HADH: variants seen among roughly 807,000 people sequenced by gnomAD.
HADH encodes hydroxyacyl-coenzyme A dehydrogenase, mitochondrial.
HADH carries 24 observed loss-of-function variants against 32.2 expected under a neutral mutation model. The observed-to-expected ratio is 0.75, with a 90% CI of 0.54 to 1.05. The LOEUF is 1.05. HADH is among the 50% of genes least tolerant of loss of function. HADH has a pLI of 0.00. For missense variants in HADH, 350 were observed against 397.1 expected, an observed-to-expected ratio of 0.88 and a Z score of 1.01; for synonymous variants, 139 against 152.5, an observed-to-expected ratio of 0.91 and a Z score of 0.65.
chr4:107,999,097 C>A (rs192778754), intron 1 of HADH, among the ~76,000 whole-genome samples: 21 of 152,174 alleles, frequency 1.4e-4, no homozygotes, highest in Non-Finnish European at 2.8e-4. Flanking sequence ...AGAGAAGAAA[C>A]CTGTGTTGGA....
intron 1 of HADH, among the ~76,000 whole-genome samples, chr4:107,991,166 TA>T (rs373541925): frequency 2.0e-5 from 3 of 147,948 alleles, no homozygotes; most frequent in Non-Finnish European, 3.0e-5. Flanking sequence ...TTTTTTTTTT[TA>T]AAAATTATTC....
At chr4:107,997,206 G>T (rs2126219251) in intron 1 of HADH, among the ~76,000 whole-genome samples, 1 of 152,304 alleles carries the variant, frequency 6.6e-6, no homozygotes, top group South Asian at 2.1e-4. Flanking sequence ...CTTATTCTGG[G>T]GATCTGAAGA....
intron 6 of HADH, chr4:108,031,452 G>A (rs1271501305): frequency 4.6e-5 from 7 of 152,184 alleles, no homozygotes; most frequent in Admixed American, 1.3e-4. Context: ...CAGAAGCTGC[G>A]GGGCTTCCTA....
intron 1 of HADH, among the ~76,000 whole-genome samples, chr4:107,997,309 C>T (rs1424979037): frequency 6.6e-6 from 1 of 152,138 alleles, no homozygotes; most frequent in African/African-American, 2.4e-5. Context: ...AATGTCTAGG[C>T]ACATGGGACA....
At chr4:108,010,108 G>A (rs1437031951) in intron 2 of HADH, among the ~76,000 whole-genome samples, 1 of 150,796 alleles carries the variant, frequency 6.6e-6, no homozygotes, top group Non-Finnish European at 1.5e-5. Context: ...TAACCATTTT[G>A]TTGGGTGGGA....
intron 6 of HADH, chr4:108,032,261 G>T: frequency 2.0e-6 from 2 of 1,024,724 alleles, no homozygotes; most frequent in South Asian, 1.5e-5. Context: ...GGCCTCTTGG[G>T]GCCAAAGGAC....
At chr4:107,998,420 C>T (rs967685143) in intron 1 of HADH, among the ~76,000 whole-genome samples, 2 of 152,180 alleles carry the variant, frequency 1.3e-5, no homozygotes, top group Non-Finnish European at 2.9e-5. Flanking sequence ...GCTGGCATTG[C>T]AGGCGTGCAC....
chr4:108,020,223 AC>A (rs796387113), intron 4 of HADH, among the ~76,000 whole-genome samples: 10 of 152,240 alleles, frequency 6.6e-5, no homozygotes, highest in African/African-American at 2.2e-4. Flanking sequence ...TAATCCTAGA[AC>A]TTTTGGAGGT....
intron 7 of HADH, 85 bp from the exon 8 acceptor site, chr4:108,034,154 G>A: frequency 1.1e-6 from 1 of 923,132 alleles, no homozygotes; most frequent in Non-Finnish European, 1.8e-6. Flanking sequence ...ATCAGAGGCA[G>A]GCCTCCAGAC....
intron 1 of HADH, among the ~76,000 whole-genome samples, chr4:107,992,689 G>A (rs886358887): frequency 1.3e-5 from 2 of 152,314 alleles, no homozygotes; most frequent in Middle Eastern, 3.4e-3. Context: ...TACTGGCCTC[G>A]TAGGGAGAGA....
At chr4:108,005,237 A>C in intron 1 of HADH, 1 of 202,244 alleles carries the variant, frequency 4.9e-6, no homozygotes, top group Admixed American at 5.3e-5. Context: ...GAATTAATAC[A>C]AGTGTATTCT....
intron 6 of HADH, chr4:108,032,556 A>G (rs1360221204): frequency 6.0e-6 from 3 of 496,500 alleles, no homozygotes; most frequent in Non-Finnish European, 1.1e-5. Context: ...GCATTAAATT[A>G]TACTTTAATA....
chr4:108,008,244 G>C (rs1429242239), intron 1 of HADH, among the ~76,000 whole-genome samples: 1 of 152,130 alleles, frequency 6.6e-6, no homozygotes, highest in African/African-American at 2.4e-5. Flanking sequence ...CTCTGTCCTT[G>C]TATCAAGATA....
At chr4:108,021,274 T>C (rs1735876185) in intron 4 of HADH, among the ~76,000 whole-genome samples, 1 of 152,250 alleles carries the variant, frequency 6.6e-6, no homozygotes, top group African/African-American at 2.4e-5. Flanking sequence ...AGATTTACTT[T>C]AATAATGTTT....
In HADH at chr4:108,032,594, T is replaced by C. The variant is rs543704327; in HGVS notation, c.710-582T>C. On this transcript the variant is annotated intron_variant, in intron 6 of 7. Coordinates refer to ENST00000309522, the MANE Select transcript of HADH (RefSeq NM_005327.7). ...TGATTCCAGAGTTGGAAAATCCCAA[T>C]GTATTTGAAAGTAGCTGAAGTTTCA... 46 of 465,388 alleles carry C rather than the reference T, an allele frequency of 9.9e-5. 1 individual carries two copies. In the South Asian group the frequency reaches 1.7e-3, roughly 17 times the overall value. The allele number at this position is 465,388 out of a possible 1,614,324, so 28.8% of individuals were successfully genotyped here. A position where few individuals can be genotyped will look rare whatever the true frequency, so the allele number is the denominator to read the frequency against.
chr4:108,004,054 G>A (rs1057023409), intron 1 of HADH, among the ~76,000 whole-genome samples: 3 of 152,262 alleles, frequency 2.0e-5, no homozygotes, highest in Admixed American at 1.3e-4. Flanking sequence ...CTCAGACCCC[G>A]CCATGCCTTC....
chr4:107,998,206 G>A (rs1035291200), intron 1 of HADH, among the ~76,000 whole-genome samples: 3 of 152,182 alleles, frequency 2.0e-5, no homozygotes, highest in Non-Finnish European at 4.4e-5. Flanking sequence ...ATGCAGGGAT[G>A]TTACAGGGCA....
intron 1 of HADH, among the ~76,000 whole-genome samples, chr4:108,007,426 G>A (rs1301012401): frequency 6.6e-6 from 1 of 152,146 alleles, no homozygotes; most frequent in Non-Finnish European, 1.5e-5. Flanking sequence ...TTCTTTCTGA[G>A]GGTAGGTAGA....
intron 1 of HADH, among the ~76,000 whole-genome samples, chr4:107,995,911 G>A (rs1700238381): frequency 6.6e-6 from 1 of 152,144 alleles, no homozygotes; most frequent in African/African-American, 2.4e-5. Flanking sequence ...CTACCTGCTG[G>A]TCGTCTACAT....
Sources: allele counts gnomAD v4.1 joint callset (sites outside exome capture counted in the v4.1 genomes callset), GRCh38; gene constraint gnomAD v4.1.1; transcripts MANE v1.5; gene names NCBI Gene and HGNC (gene_info 2026-07-23, HGNC 2026-07-21).